UFD1: variants seen among roughly 807,000 people sequenced by gnomAD.
The protein encoded by UFD1 is ubiquitin recognition factor in ER-associated degradation protein 1.
In UFD1, 13 loss-of-function variants were observed where a neutral mutation model predicts 45.9. The ratio of observed to expected loss-of-function variants is 0.28; its 90% confidence interval spans 0.18 to 0.45. UFD1 has a LOEUF of 0.45. Ranked by LOEUF, UFD1 falls within the 20% of genes least tolerant of loss-of-function variation. The pLI, the probability that UFD1 is intolerant of heterozygous loss-of-function variation, is 1.00. For missense variants in UFD1, 218 were observed against 389.2 expected (o/e 0.56, Z 3.70); for synonymous variants, 128 against 139.2 (o/e 0.92, Z 0.56).
intron 11 of UFD1, 66 bp downstream of exon 11, chr22:19,454,683 T>A (rs1463176437): frequency 1.2e-6 from 2 of 1,610,426 alleles, no homozygotes; most frequent in Admixed American, 1.7e-5. Context: ...TGCCAAGAAC[T>A]TCAGTCATCA....
rs1018616784 is a variant in UFD1 at position 19,455,879 on chromosome 22, C to T, written c.679-111G>A. ...GCTGGGGGTGCTGTGCAGACCCCTT[C>T]AGGACTGAAGCCCTGACTCCTCAAC... is the stretch of plus-strand genomic sequence containing the variant. On this transcript the variant is annotated intron_variant, in intron 9 of 11. Transcript: ENST00000263202. 5.1e-6 allele frequency: 5 copies of T among 972,014 alleles called. No individual in the cohort carries two copies. In the South Asian group the frequency reaches 7.4e-5, roughly 14 times the overall value. The allele number at this position is 972,014 out of a possible 1,614,324, so 60.2% of individuals were successfully genotyped here.
At chr22:19,456,994 A>AT in intron 7 of UFD1, 76 bp from the exon 8 acceptor site, 1 of 950,104 alleles carries the variant, frequency 1.1e-6, no homozygotes, top group South Asian at 1.4e-5. Context: ...TTTAATTGAG[A>AT]CAACTGTAGA....
At chr22:19,475,705 G>T in intron 1 of UFD1, 103 bp from the exon 2 acceptor site, 1 of 1,330,566 alleles carries the variant, frequency 7.5e-7, no homozygotes, top group Non-Finnish European at 1.1e-6. Context: ...CATTGTCAGA[G>T]AACACAATGT....
chr22:19,457,946 TTCC>T, intron 7 of UFD1, 122 bp downstream of exon 7: 1 of 934,244 alleles, frequency 1.1e-6, no homozygotes, highest in East Asian at 2.4e-5. Context: ...TGACAGCATC[TTCC>T]TCCTCTTTAC....
chr22:19,478,897 C>G (rs1030753138), intron 1 of UFD1, 186 bp downstream of exon 1: 2 of 713,888 alleles, frequency 2.8e-6, no homozygotes, highest in African/African-American at 3.8e-5. Flanking sequence ...CCGGCGGACG[C>G]GACCACAGGC....
chr22:19,452,142 T>C, intron 11 of UFD1: 1 of 169,732 alleles, frequency 5.9e-6, no homozygotes, highest in Non-Finnish European at 1.2e-5. Context: ...ACAACAGAAA[T>C]TTATTCTTCA....
At chr22:19,470,119 C>A (rs2089833144) in intron 4 of UFD1, 4 of 466,012 alleles carry the variant, frequency 8.6e-6, no homozygotes, top group Non-Finnish European at 1.3e-5. Context: ...GGGGCACCTG[C>A]AGACAAACAC....
intron 11 of UFD1, chr22:19,450,946 GGCA>G: frequency 7.8e-7 from 1 of 1,279,046 alleles, no homozygotes; most frequent in East Asian, 3.1e-5. Flanking sequence ...GACCAGCCTG[GGCA>G]ACATAGTGAG....
chr22:19,463,286 TTA>T (rs571908366), intron 6 of UFD1, among the ~76,000 whole-genome samples: 132 of 152,366 alleles, frequency 8.7e-4, no homozygotes, highest in African/African-American at 2.2e-3. Flanking sequence ...TGAAATTCTG[TTA>T]TTTCTTCAGA....
At chr22:19,454,412 T>G (rs1601886137) in intron 11 of UFD1, 1 of 776,276 alleles carries the variant, frequency 1.3e-6, no homozygotes, top group Non-Finnish European at 1.6e-6. Context: ...TGAGGGCGGG[T>G]CTTTTCCGTG....
chr22:19,459,983 C>T (rs1210007672), intron 6 of UFD1, among the ~76,000 whole-genome samples: 1 of 151,680 alleles, frequency 6.6e-6, no homozygotes, highest in Non-Finnish European at 1.5e-5. Context: ...GTGATCCACC[C>T]GCCTCAGCCT....
chr22:19,476,863 C>T (rs1052884345), intron 1 of UFD1, among the ~76,000 whole-genome samples: 12 of 151,544 alleles, frequency 7.9e-5, no homozygotes, highest in African/African-American at 1.9e-4. Context: ...AAAAATTAGC[C>T]GGGCGTGGTG....
intron 1 of UFD1, among the ~76,000 whole-genome samples, chr22:19,476,004 C>T (rs1352009121): frequency 1.3e-5 from 2 of 152,152 alleles, no homozygotes; most frequent in Non-Finnish European, 2.9e-5. Context: ...AGGGAAGCAC[C>T]ACTCCAGTGA....
intron 11 of UFD1, chr22:19,451,734 G>A: frequency 3.0e-6 from 3 of 985,434 alleles, no homozygotes; most frequent in Non-Finnish European, 3.6e-6. Flanking sequence ...GCTGCATTTA[G>A]TCTTCCTTTG....
At chr22:19,453,086 G>A in intron 11 of UFD1, 1 of 985,444 alleles carries the variant, frequency 1.0e-6, no homozygotes, top group Non-Finnish European at 1.2e-6. Flanking sequence ...CTTCACTTCA[G>A]AGATAGTAGT....
chr22:19,479,157 A>T lies in UFD1; in HGVS notation c.-72T>A, dbSNP rs1035944799. 1.3e-6 allele frequency: 2 copies of T among 1,578,154 alleles called. No homozygotes were observed. Among genetic ancestry groups the T allele is most frequent in the Non-Finnish European group, 1.7e-6 (2 of 1,163,934 alleles). On this transcript the variant is annotated 5_prime_UTR_variant, in exon 1 of 12. Transcript: ENST00000263202. Reference sequence around the variant, plus strand: ...AAGAAACCCCGCCGACCGCTCTCCCAGCCGCCGCTGCCGCTGCCGCCGCGC... The same window carrying T: ...AAGAAACCCCGCCGACCGCTCTCCCTGCCGCCGCTGCCGCTGCCGCCGCGC...
chr22:19,450,839 A>C (rs5748208), intron 11 of UFD1, 95 bp from the exon 12 acceptor site: 59,788 of 1,592,466 alleles, frequency 0.038, 2,047 homozygotes, highest in South Asian at 0.13. Context: ...CACATTACTC[A>C]TAAGAAATAT....
At chr22:19,471,879 T>C in intron 3 of UFD1, 71 bp from the exon 4 acceptor site, 2 of 1,553,552 alleles carry the variant, frequency 1.3e-6, no homozygotes, top group African/African-American at 1.4e-5. Context: ...CGCCTTCCCA[T>C]AGAAGGAGCC....
At position 19,450,546 on chromosome 22, in the gene UFD1, C is replaced by G; in HGVS notation, c.*124G>C. ...CAAACTTAATAATTCTTAGGTAACT[C>G]TAAATAAATCTTAAGTAACAGAGTA... On this transcript the variant is annotated 3_prime_UTR_variant, in exon 12 of 12. Coordinates refer to ENST00000263202, the MANE Select transcript of UFD1 (RefSeq NM_005659.7). 8.0e-7 allele frequency: 1 copy of G among 1,255,692 alleles called. No homozygotes were observed. Among genetic ancestry groups the G allele is most frequent in the Non-Finnish European group, 1.1e-6 (1 of 890,222 alleles). The allele number at this position is 1,255,692 out of a possible 1,614,324, so 77.8% of individuals were successfully genotyped here. A position where few individuals can be genotyped will look rare whatever the true frequency, so the allele number is the denominator to read the frequency against.
Sources: gnomAD v4.1 joint callset for allele counts (sites outside exome capture counted in the v4.1 genomes callset) on GRCh38, gnomAD v4.1.1 for gene constraint, MANE v1.5 for transcripts, NCBI Gene and HGNC (gene_info 2026-07-23, HGNC 2026-07-21) for gene names.